SLC24A2: variants seen among roughly 807,000 people sequenced by gnomAD.
SLC24A2 encodes solute carrier family 24 member 2.
Under a neutral mutation model 62.0 loss-of-function variants are expected in SLC24A2, and 36 were observed. The ratio of observed to expected loss-of-function variants is 0.58; its 90% confidence interval spans 0.44 to 0.77. The LOEUF (loss-of-function observed/expected upper bound fraction) is 0.77. Ranked by LOEUF, SLC24A2 falls within the 30% of genes least tolerant of loss-of-function variation. SLC24A2 has a pLI of 0.00. For missense variants in SLC24A2, 846 were observed against 817.9 expected (o/e 1.03, Z -0.42); for synonymous variants, 358 against 294.0 (o/e 1.22, Z -2.23).
chr9:19,887,921 A>G, the SLC24A2 span, among the ~76,000 whole-genome samples: 1 of 152,224 alleles, frequency 6.6e-6, no homozygotes, highest in African/African-American at 2.4e-5. Context: ...CAAACATTGC[A>G]TGTTCTCACT....
At chr9:19,588,690 G>A (rs1836449549) in intron 5 of SLC24A2, among the ~76,000 whole-genome samples, 2 of 152,208 alleles carry the variant, frequency 1.3e-5, no homozygotes, top group Non-Finnish European at 2.9e-5. Context: ...GCCCCGCGTG[G>A]TGGCTCATGC....
chr9:19,790,530 C>CA (rs3086381), upstream of SLC24A2, among the ~76,000 whole-genome samples: 2,719 of 122,398 alleles, frequency 0.022, 73 homozygotes, highest in African/African-American at 0.037. Flanking sequence ...ATTTGAGCAT[C>CA]AAAAAAAAAA....
chr9:19,830,802 T>C, the SLC24A2 span, among the ~76,000 whole-genome samples: 2 of 152,168 alleles, frequency 1.3e-5, no homozygotes, highest in African/African-American at 2.4e-5. Flanking sequence ...GAATGGTGTA[T>C]GCCTGACTGT....
At chr9:20,031,015 C>G in the SLC24A2 span, among the ~76,000 whole-genome samples, 2 of 152,024 alleles carry the variant, frequency 1.3e-5, no homozygotes, top group Non-Finnish European at 2.9e-5. Context: ...TATTCCTTGG[C>G]CCGTCCAAAG....
the SLC24A2 span, among the ~76,000 whole-genome samples, chr9:19,903,095 C>A: frequency 6.6e-6 from 1 of 150,808 alleles, no homozygotes. Context: ...ATTATCAGAT[C>A]GAGTGCCAGA....
At chr9:19,824,200 G>C in the SLC24A2 span, among the ~76,000 whole-genome samples, 1 of 152,166 alleles carries the variant, frequency 6.6e-6, no homozygotes, top group Admixed American at 6.6e-5. Context: ...AAGAGCTTCT[G>C]CAGAGCAAAA....
At chr9:19,698,136 C>T (rs1028098043) in intron 2 of SLC24A2, among the ~76,000 whole-genome samples, 3 of 152,140 alleles carry the variant, frequency 2.0e-5, no homozygotes, top group South Asian at 2.1e-4. Flanking sequence ...CATCCCTAAT[C>T]TGAAAACCCA....
chr9:20,221,034 C>G, the SLC24A2 span, among the ~76,000 whole-genome samples: 34 of 152,236 alleles, frequency 2.2e-4, no homozygotes, highest in African/African-American at 7.5e-4. Flanking sequence ...GCAAAAAATT[C>G]TGATTCTTCT....
chr9:19,690,701 C>G (rs913182907), intron 2 of SLC24A2, among the ~76,000 whole-genome samples: 6 of 152,150 alleles, frequency 3.9e-5, no homozygotes, highest in Non-Finnish European at 7.4e-5. Flanking sequence ...TGTGGCTTTT[C>G]TCTTTTTTCC....
At chr9:19,552,538 G>A (rs112676187) in intron 7 of SLC24A2, among the ~76,000 whole-genome samples, 1 of 151,818 alleles carries the variant, frequency 6.6e-6, no homozygotes, top group East Asian at 1.9e-4. Flanking sequence ...CTAGCAGAGA[G>A]TCAGTCAGCT....
intron 2 of SLC24A2, among the ~76,000 whole-genome samples, chr9:19,742,181 C>A (rs541097470): frequency 4.1e-4 from 63 of 152,164 alleles, no homozygotes; most frequent in Non-Finnish European, 8.5e-4. Flanking sequence ...CACAAGGTAG[C>A]TGCTTAATTG....
the SLC24A2 span, among the ~76,000 whole-genome samples, chr9:19,808,293 A>G: frequency 2.0e-5 from 3 of 152,212 alleles, no homozygotes; most frequent in Non-Finnish European, 4.4e-5. The surrounding 1 kb of genome is among the most constrained non-coding windows in gnomAD (Gnocchi z 4.1). Context: ...AATTTAAAAA[A>G]CATACATGGA....
the SLC24A2 span, among the ~76,000 whole-genome samples, chr9:20,192,284 T>C: frequency 3.3e-5 from 5 of 152,032 alleles, no homozygotes; most frequent in Non-Finnish European, 7.4e-5. Context: ...GCCAAGAAGA[T>C]GGACAAAGGC....
At chr9:19,894,106 T>C in the SLC24A2 span, among the ~76,000 whole-genome samples, 1 of 152,210 alleles carries the variant, frequency 6.6e-6, no homozygotes, top group Non-Finnish European at 1.5e-5. Flanking sequence ...TCAGGATTTA[T>C]GTTTTTGAGG....
chr9:19,641,304 AG>A (rs1818486108), intron 2 of SLC24A2, among the ~76,000 whole-genome samples: 1 of 152,208 alleles, frequency 6.6e-6, no homozygotes, highest in Admixed American at 6.5e-5. Context: ...CAGAATCTCT[AG>A]TTCTGAATTT....
At chr9:20,181,789 T>C in the SLC24A2 span, among the ~76,000 whole-genome samples, 4 of 152,146 alleles carry the variant, frequency 2.6e-5, no homozygotes, top group Non-Finnish European at 5.9e-5. Flanking sequence ...ACAAATGGGA[T>C]CTAATTAAAT....
the SLC24A2 span, among the ~76,000 whole-genome samples, chr9:20,095,001 A>G: frequency 5.6e-4 from 85 of 152,334 alleles, 1 homozygote; most frequent in South Asian, 0.017. Context: ...CTACCTTTCC[A>G]ACTACATATT....
At chr9:20,139,315 C>T in the SLC24A2 span, among the ~76,000 whole-genome samples, 2 of 152,178 alleles carry the variant, frequency 1.3e-5, no homozygotes, top group South Asian at 4.1e-4. Context: ...TCAGGCAAGT[C>T]GCTTTAGTCC....
At chr9:20,265,826 C>G in the SLC24A2 span, among the ~76,000 whole-genome samples, 1 of 152,192 alleles carries the variant, frequency 6.6e-6, no homozygotes, top group Non-Finnish European at 1.5e-5. Flanking sequence ...TTTTTCTCAG[C>G]AAGGAACATT....
Sources: allele counts gnomAD v4.1 joint callset (sites outside exome capture counted in the v4.1 genomes callset), GRCh38; gene constraint gnomAD v4.1.1; non-coding constraint Gnocchi (gnomAD v3.1); transcripts MANE v1.5; gene names NCBI Gene and HGNC (gene_info 2026-07-23, HGNC 2026-07-21).